EHD4: variants seen among roughly 807,000 people sequenced by gnomAD.
EHD4 encodes the protein EH domain-containing protein 4.
A neutral mutation model predicts 51.0 loss-of-function variants in EHD4; 37 were observed. The observed-to-expected ratio is 0.73, with a 90% confidence interval of 0.56 to 0.95. The LOEUF is 0.95. EHD4 is among the 40% of genes least tolerant of loss of function. EHD4 has a pLI of 0.00. For synonymous variants in EHD4, 297 were observed against 317.3 expected (o/e 0.94, Z 0.68); for missense variants, 632 against 733.1 (o/e 0.86, Z 1.59).
At chr15:41,966,831 G>C (rs1240578696) in intron 1 of EHD4, among the ~76,000 whole-genome samples, 1 of 152,172 alleles carries the variant, frequency 6.6e-6, no homozygotes, top group African/African-American at 2.4e-5. Context: ...ACAGCACTGA[G>C]CCACTACCCT....
chr15:41,949,594 C>A (rs2067839927), intron 2 of EHD4, among the ~76,000 whole-genome samples: 1 of 152,100 alleles, frequency 6.6e-6, no homozygotes, highest in Admixed American at 6.5e-5. Context: ...TGTTCACATT[C>A]CTTCAGCTCA....
At chr15:41,948,657 G>A (rs1047071741) in intron 2 of EHD4, among the ~76,000 whole-genome samples, 7 of 152,178 alleles carry the variant, frequency 4.6e-5, no homozygotes, top group Middle Eastern at 3.2e-3. Context: ...GGGGGAAGCC[G>A]CACGTGCTTG....
chr15:41,960,482 C>T (rs1482225032), intron 1 of EHD4, among the ~76,000 whole-genome samples: 3 of 152,132 alleles, frequency 2.0e-5, no homozygotes, highest in Non-Finnish European at 4.4e-5. Context: ...TTTTTAATGG[C>T]TGCATACTAT....
At chr15:41,901,238 T>C in intron 5 of EHD4, 57 bp from the exon 6 acceptor site, 7 of 1,490,556 alleles carry the variant, frequency 4.7e-6, no homozygotes, top group East Asian at 2.3e-5. Context: ...GGGGAAACAG[T>C]TGGGGGCCAC....
At chr15:41,942,684 T>C in intron 3 of EHD4, 1 of 195,804 alleles carries the variant, frequency 5.1e-6, no homozygotes, top group South Asian at 9.5e-5. Flanking sequence ...CTTCATAATC[T>C]CTCCCTACCC....
intron 5 of EHD4, among the ~76,000 whole-genome samples, chr15:41,903,302 T>G (rs1595528726): frequency 2.9e-5 from 4 of 137,230 alleles, no homozygotes; most frequent in Admixed American, 7.8e-5. Context: ...AAAAACTTGG[T>G]GTTATCATAA....
chr15:41,907,649 A>G (rs1264356910), intron 5 of EHD4, among the ~76,000 whole-genome samples: 1 of 151,994 alleles, frequency 6.6e-6, no homozygotes, highest in Admixed American at 6.6e-5. Context: ...CCTCCCGGGT[A>G]GCTGGAACTA....
At chr15:41,921,982 C>T (rs182043132) in intron 3 of EHD4, among the ~76,000 whole-genome samples, 1 of 152,328 alleles carries the variant, frequency 6.6e-6, no homozygotes, top group Non-Finnish European at 1.5e-5. Context: ...GGCTTCCTAA[C>T]TCTTTTCTAA....
chr15:41,957,112 C>T (rs1294872330), intron 1 of EHD4, among the ~76,000 whole-genome samples: 2 of 152,140 alleles, frequency 1.3e-5, no homozygotes, highest in South Asian at 4.1e-4. Context: ...GGGAGGATCG[C>T]TTGGCCTAGG....
intron 1 of EHD4, among the ~76,000 whole-genome samples, chr15:41,958,831 C>T (rs2067905222): frequency 6.6e-6 from 1 of 152,124 alleles, no homozygotes; most frequent in African/African-American, 2.4e-5. Context: ...GGTACTATTT[C>T]TATCCCTATT....
rs779208576 is a variant in EHD4, at chr15:41,919,578, C to T, written c.556G>A (p.Asp186Asn). 10 of 1,519,190 alleles carry T rather than the reference C, an allele frequency of 6.6e-6. No individual in the cohort carries two copies. Among genetic ancestry groups the T allele is most frequent in the Non-Finnish European group, 8.8e-6 (10 of 1,135,082 alleles). 94.1% of individuals were successfully genotyped at this position (1,519,190 alleles called of 1,614,324 possible). Residue 186 changes from aspartate (D) to asparagine (N), a missense_variant, in exon 4 of 6, where the codon GAC becomes AAC. By Grantham distance (23) the Asp-to-Asn change is conservative. Transcript: ENST00000220325. ...QVLQWFAERV[D>N]RIILLFDAHK... is the part of the protein sequence containing the mutation. ...GCGTCAAAGAGCAGGATGATCCTGT[C>T]CACCCTCTCGGCAAACCACTGCAGG...
intron 4 of EHD4, among the ~76,000 whole-genome samples, chr15:41,917,653 C>T (rs2140987824): frequency 6.6e-6 from 1 of 152,288 alleles, no homozygotes; most frequent in African/African-American, 2.4e-5. Context: ...CACCACAAAC[C>T]AAGGGATCAC....
chr15:41,950,694 G>A (rs759716022), intron 2 of EHD4, among the ~76,000 whole-genome samples: 1 of 152,156 alleles, frequency 6.6e-6, no homozygotes, highest in Non-Finnish European at 1.5e-5. Context: ...TTACACGTGA[G>A]CCTGACACAC....
chr15:41,901,202 G>T, intron 5 of EHD4, 21 bp from the exon 6 acceptor site: 1 of 1,529,636 alleles, frequency 6.5e-7, no homozygotes, highest in Non-Finnish European at 8.8e-7. Flanking sequence ...ACAAACCACA[G>T]GATGGGTTAC....
At chr15:41,944,140 G>C (rs1203792951) in intron 2 of EHD4, among the ~76,000 whole-genome samples, 2 of 152,200 alleles carry the variant, frequency 1.3e-5, no homozygotes, top group East Asian at 3.8e-4. Context: ...CTGATAATCT[G>C]CTATGGGACT....
intron 1 of EHD4, among the ~76,000 whole-genome samples, chr15:41,962,834 C>T (rs1353826351): frequency 3.3e-5 from 5 of 151,924 alleles, no homozygotes; most frequent in African/African-American, 1.2e-4. Context: ...ATGAGGATGG[C>T]GGTTTTGTCG....
chr15:41,971,981 C>G (rs975518961), intron 1 of EHD4, among the ~76,000 whole-genome samples: 1 of 152,206 alleles, frequency 6.6e-6, no homozygotes, highest in African/African-American at 2.4e-5. Context: ...CTCCCTTGGA[C>G]CCTCCCGCCA....
At chr15:41,966,502 G>C (rs2067962869) in intron 1 of EHD4, among the ~76,000 whole-genome samples, 1 of 152,088 alleles carries the variant, frequency 6.6e-6, no homozygotes, top group African/African-American at 2.4e-5. Context: ...TCATGCCCCT[G>C]CCCCTAAGGA....
At chr15:41,901,817 G>A (rs1369192289) in intron 5 of EHD4, among the ~76,000 whole-genome samples, 1 of 152,216 alleles carries the variant, frequency 6.6e-6, no homozygotes, top group Non-Finnish European at 1.5e-5. Context: ...GAACCCCGTA[G>A]GACCAGCCCC....
Sources: allele counts gnomAD v4.1 joint callset (sites outside exome capture counted in the v4.1 genomes callset), GRCh38; gene constraint gnomAD v4.1.1; transcripts MANE v1.5; gene names NCBI Gene and HGNC (gene_info 2026-07-23, HGNC 2026-07-21).